Variants in ADAMTSL1 observed in about 807,000 individuals in gnomAD.
ADAMTSL1 encodes the protein ADAMTS-like protein 1.
A neutral mutation model predicts 201.8 loss-of-function variants in ADAMTSL1; 126 were observed. The ratio of observed to expected loss-of-function variants is 0.62; its 90% CI spans 0.54 to 0.72. ADAMTSL1 has a LOEUF of 0.72. Among genes scored for constraint, ADAMTSL1 ranks in the 30% least tolerant of loss-of-function variants. The pLI is 0.00. For missense variants in ADAMTSL1, 2,679 were observed against 2,277.8 expected, an observed-to-expected ratio of 1.18 and a Z score of -3.59; for synonymous variants, 1,121 against 903.4, an observed-to-expected ratio of 1.24 and a Z score of -4.32.
At chr9:18,076,431 A>G (rs1193903128) in intron 1 of ADAMTSL1, among the ~76,000 whole-genome samples, 1 of 152,198 alleles carries the variant, frequency 6.6e-6, no homozygotes, top group Non-Finnish European at 1.5e-5. Flanking sequence ...GTGAGCAAAC[A>G]CATGCATGAT....
intron 1 of ADAMTSL1, among the ~76,000 whole-genome samples, chr9:18,134,435 G>T (rs939626388): frequency 6.6e-6 from 1 of 152,158 alleles, no homozygotes; most frequent in Admixed American, 6.6e-5. Context: ...GGTGGAATGG[G>T]AGTAGAGACT....
intron 26 of ADAMTSL1, among the ~76,000 whole-genome samples, chr9:18,902,347 C>A (rs1013148466): frequency 6.6e-6 from 1 of 152,112 alleles, no homozygotes; most frequent in African/African-American, 2.4e-5. Context: ...CAAAAAAGGA[C>A]TATATGTTAT....
In ADAMTSL1 at chr9:18,694,908, G is replaced by A. The variant is rs146638579; in HGVS notation, c.1574+10108G>A. On this transcript the variant is annotated intron_variant, in intron 13 of 28. Transcript: ENST00000380548. ...TCTGCCTTGATTTCCAAGCATTTCC[G>A]TACATCCTCTGAAATCTAGGCAGAG... Among the ~76,000 whole-genome samples the A allele has an allele frequency of 1.7e-3, 253 of 152,262 alleles. 1 individual carries two copies. Among genetic ancestry groups the A allele is most frequent in the South Asian group, 5.2e-3 (25 of 4,818 alleles).
intron 2 of ADAMTSL1, among the ~76,000 whole-genome samples, chr9:18,409,575 G>C (rs1168217093): frequency 1.3e-5 from 2 of 150,786 alleles, no homozygotes; most frequent in Non-Finnish European, 3.0e-5. Flanking sequence ...AGATATACAG[G>C]GTTAAAATTT....
intron 1 of ADAMTSL1, among the ~76,000 whole-genome samples, chr9:18,005,743 G>A (rs561268015): frequency 1.3e-5 from 2 of 152,152 alleles, no homozygotes; most frequent in South Asian, 4.2e-4. Context: ...GCTAGAGGCA[G>A]AACAGTCTTT....
intron 23 of ADAMTSL1, among the ~76,000 whole-genome samples, chr9:18,881,186 T>C (rs565180816): frequency 6.6e-6 from 1 of 152,376 alleles, no homozygotes; most frequent in African/African-American, 2.4e-5. Flanking sequence ...TATCAATTTT[T>C]TTGTGTTCAC....
At position 18,635,982 on chromosome 9, in the gene ADAMTSL1, A is replaced by G. The variant is rs773917063; in HGVS notation, c.641A>G (p.His214Arg). The change falls in exon 6 of 29, where the codon CAT becomes CGT. Residue 214 changes from histidine (H) to arginine (R), a missense_variant. By Grantham distance (29) the His-to-Arg change is conservative (BLOSUM62 0). Coordinates refer to ENST00000380548, the MANE Select transcript of ADAMTSL1 (RefSeq NM_001040272.6). ...GTTGCAATTCCCTATGGAAGTAGAC[A>G]TATTCGCCTTGTCTTAAAAGGTCCT... ...TVVAIPYGSR[H>R]IRLVLKGPDH... The G allele has an allele frequency of 5.3e-5, 85 of 1,601,784 alleles. No homozygotes were observed. Among genetic ancestry groups the G allele is most frequent in the Non-Finnish European group, 7.1e-5 (83 of 1,177,302 alleles).
chr9:18,122,983 A>G (rs374645179), intron 1 of ADAMTSL1, among the ~76,000 whole-genome samples: 18 of 152,188 alleles, frequency 1.2e-4, no homozygotes, highest in East Asian at 1.2e-3. Context: ...AGGCGATCCA[A>G]ATACCTTGGC....
intron 2 of ADAMTSL1, among the ~76,000 whole-genome samples, chr9:18,177,516 T>C (rs972408470): frequency 2.6e-5 from 4 of 152,230 alleles, no homozygotes; most frequent in South Asian, 4.1e-4. Flanking sequence ...TTTCCAGAGA[T>C]AGAAATTTCA....
chr9:18,108,879 C>T (rs1034207111), intron 1 of ADAMTSL1, among the ~76,000 whole-genome samples: 2 of 151,930 alleles, frequency 1.3e-5, no homozygotes, highest in African/African-American at 4.8e-5. Context: ...AGTTGAAATT[C>T]ACCAGCAGTT....
intron 1 of ADAMTSL1, among the ~76,000 whole-genome samples, chr9:18,004,984 A>G (rs982787827): frequency 1.3e-5 from 2 of 152,126 alleles, no homozygotes; most frequent in Non-Finnish European, 2.9e-5. Context: ...GGCCATTTAT[A>G]TATAATGACA....
intron 14 of ADAMTSL1, among the ~76,000 whole-genome samples, chr9:18,711,424 C>T (rs536331927): frequency 6.6e-6 from 1 of 152,242 alleles, no homozygotes; most frequent in African/African-American, 2.4e-5. Flanking sequence ...CGAGGCATTG[C>T]CTCACTCGGG....
At chr9:18,444,072 T>C (rs561813495) in intron 2 of ADAMTSL1, among the ~76,000 whole-genome samples, 2 of 152,326 alleles carry the variant, frequency 1.3e-5, no homozygotes, top group East Asian at 3.9e-4. Flanking sequence ...TGAGGATGTG[T>C]CAGAAGTTAT....
intron 20 of ADAMTSL1, among the ~76,000 whole-genome samples, chr9:18,801,307 T>C (rs10963769): frequency 0.2 from 30,367 of 152,156 alleles, 3,357 homozygotes; most frequent in Non-Finnish European, 0.23. Flanking sequence ...AAATTCTTTG[T>C]GAATGTGCAA....
At chr9:18,466,133 T>C (rs761235349) in intron 2 of ADAMTSL1, among the ~76,000 whole-genome samples, 8 of 152,178 alleles carry the variant, frequency 5.3e-5, no homozygotes, top group Non-Finnish European at 1.2e-4. Context: ...CCTTTATCCT[T>C]GGGACCCTGT....
chr9:18,289,125 A>G (rs1833143213), intron 2 of ADAMTSL1, among the ~76,000 whole-genome samples: 1 of 136,662 alleles, frequency 7.3e-6, no homozygotes, highest in African/African-American at 2.7e-5. Flanking sequence ...ATTGGTGTAT[A>G]TATATGTCTG....
intron 23 of ADAMTSL1, among the ~76,000 whole-genome samples, chr9:18,836,300 T>C (rs1588197268): frequency 2.0e-5 from 3 of 152,200 alleles, no homozygotes; most frequent in East Asian, 1.9e-4. Flanking sequence ...GCTTGCTCAG[T>C]TTAAGTTCCT....
intron 14 of ADAMTSL1, among the ~76,000 whole-genome samples, chr9:18,711,253 C>G (rs537744625): frequency 3.9e-5 from 6 of 152,174 alleles, no homozygotes; most frequent in African/African-American, 1.2e-4. Flanking sequence ...CCAAGATGGC[C>G]GAATAGGAAC....
intron 16 of ADAMTSL1, among the ~76,000 whole-genome samples, chr9:18,764,874 T>C (rs1820273237): frequency 1.3e-5 from 2 of 152,236 alleles, no homozygotes; most frequent in African/African-American, 4.8e-5. Context: ...TGTTGTTACA[T>C]ACCTATATAC....
Sources: allele counts gnomAD v4.1 joint callset (sites outside exome capture counted in the v4.1 genomes callset), GRCh38; gene constraint gnomAD v4.1.1; transcripts MANE v1.5; gene names NCBI Gene and HGNC (gene_info 2026-07-23, HGNC 2026-07-21).